C1QTNF3: variants seen among roughly 807,000 people sequenced by gnomAD.
C1QTNF3 encodes the protein C1q and TNF related 3.
Under a neutral mutation model 32.6 loss-of-function variants are expected in C1QTNF3, and 26 were observed. The observed-to-expected ratio is 0.80, with a 90% CI of 0.58 to 1.11. The LOEUF is 1.11. Ranked by LOEUF, C1QTNF3 falls within the 50% of genes least tolerant of loss-of-function variation. C1QTNF3 has a pLI of 0.00. For missense variants in C1QTNF3, 362 were observed against 398.2 expected, an observed-to-expected ratio of 0.91 and a Z score of 0.77; for synonymous variants, 155 against 146.0, an observed-to-expected ratio of 1.06 and a Z score of -0.44.
chr5:34,197,561 C>T, the C1QTNF3 span, among the ~76,000 whole-genome samples: 1 of 152,006 alleles, frequency 6.6e-6, no homozygotes, highest in Non-Finnish European at 1.5e-5. Context: ...AACTTAATGG[C>T]TTAAAATAAC....
the C1QTNF3 span, among the ~76,000 whole-genome samples, chr5:34,118,151 C>T: frequency 6.6e-6 from 1 of 152,256 alleles, no homozygotes; most frequent in South Asian, 2.1e-4. Flanking sequence ...ATGGTTTTGG[C>T]TCACTGCAAC....
At chr5:34,147,914 A>T in the C1QTNF3 span, among the ~76,000 whole-genome samples, 1 of 152,168 alleles carries the variant, frequency 6.6e-6, no homozygotes, top group African/African-American at 2.4e-5. Flanking sequence ...GACGCAGAAG[A>T]CGGTGATTTC....
chr5:34,103,135 G>A, the C1QTNF3 span, among the ~76,000 whole-genome samples: 1 of 152,088 alleles, frequency 6.6e-6, no homozygotes, highest in South Asian at 2.1e-4. Flanking sequence ...TTAGTGGCAT[G>A]AAACTCTAAA....
At chr5:34,212,045 C>T in the C1QTNF3 span, among the ~76,000 whole-genome samples, 38 of 152,098 alleles carry the variant, frequency 2.5e-4, no homozygotes, top group African/African-American at 8.7e-4. Context: ...GGTACTGGTA[C>T]CAAAACAGAG....
At chr5:34,071,286 A>G in the C1QTNF3 span, among the ~76,000 whole-genome samples, 1 of 152,166 alleles carries the variant, frequency 6.6e-6, no homozygotes, top group Non-Finnish European at 1.5e-5. Context: ...TTTGAACTGC[A>G]ATTGATAATA....
chr5:34,232,895 C>A, the C1QTNF3 span, among the ~76,000 whole-genome samples: 1 of 150,714 alleles, frequency 6.6e-6, no homozygotes, highest in Non-Finnish European at 1.5e-5. Context: ...TAACTCCTTG[C>A]AACTTACAGT....
At chr5:34,145,424 C>A in the C1QTNF3 span, among the ~76,000 whole-genome samples, 108 of 152,030 alleles carry the variant, frequency 7.1e-4, no homozygotes, top group African/African-American at 2.5e-3. Context: ...GATAATACCT[C>A]AGAATTGAAC....
intron 3 of C1QTNF3, 58 bp from the exon 4 acceptor site, chr5:34,028,941 T>C (rs1754544880): frequency 6.7e-7 from 1 of 1,493,104 alleles, no homozygotes; most frequent in Non-Finnish European, 9.2e-7. Context: ...AGTCAAGTTT[T>C]TATGCAGATT....
At chr5:34,040,930 CTTTA>C (rs1372828436) in intron 1 of C1QTNF3, among the ~76,000 whole-genome samples, 2 of 152,106 alleles carry the variant, frequency 1.3e-5, no homozygotes, top group Admixed American at 6.5e-5. Context: ...CATGTACTGA[CTTTA>C]TTTAACACAT....
At chr5:34,037,805 CA>C in intron 1 of C1QTNF3, among the ~76,000 whole-genome samples, 1 of 152,266 alleles carries the variant, frequency 6.6e-6, no homozygotes, top group East Asian at 1.9e-4. Flanking sequence ...CTTGGAAAGT[CA>C]AAGACACCAC....
the C1QTNF3 span, among the ~76,000 whole-genome samples, chr5:34,141,453 C>T: frequency 1.6e-4 from 24 of 152,086 alleles, no homozygotes; most frequent in Non-Finnish European, 5.9e-5. Context: ...TGAGGAAGAA[C>T]CTGTTTCATG....
the C1QTNF3 span, among the ~76,000 whole-genome samples, chr5:34,147,652 T>C: frequency 1.3e-5 from 2 of 151,818 alleles, no homozygotes; most frequent in East Asian, 3.9e-4. Flanking sequence ...AAAGAGACAC[T>C]GTGGACTACT....
the C1QTNF3 span, among the ~76,000 whole-genome samples, chr5:34,236,643 G>A: frequency 3.1e-5 from 4 of 128,026 alleles, no homozygotes; most frequent in East Asian, 2.4e-4. Context: ...GTGGGATCTC[G>A]GTTCACTGCA....
chr5:34,196,809 G>A, the C1QTNF3 span, among the ~76,000 whole-genome samples: 1 of 151,736 alleles, frequency 6.6e-6, no homozygotes, highest in Non-Finnish European at 1.5e-5. Flanking sequence ...GCAGGCGCCC[G>A]CCACCACGCC....
chr5:34,041,339 T>C (rs1290561765), intron 1 of C1QTNF3, among the ~76,000 whole-genome samples: 1 of 152,128 alleles, frequency 6.6e-6, no homozygotes, highest in African/African-American at 2.4e-5. Flanking sequence ...GAAGGAGAAA[T>C]GTGATTTGAA....
At chr5:34,080,517 C>T in the C1QTNF3 span, among the ~76,000 whole-genome samples, 2 of 151,664 alleles carry the variant, frequency 1.3e-5, no homozygotes, top group East Asian at 3.8e-4. Context: ...TTGCTAGATG[C>T]ATGTGCTACA....
At chr5:34,132,288 G>C in the C1QTNF3 span, among the ~76,000 whole-genome samples, 1 of 151,974 alleles carries the variant, frequency 6.6e-6, no homozygotes, top group Non-Finnish European at 1.5e-5. Flanking sequence ...GAGAGGCTGA[G>C]GCAGGAGAAT....
the C1QTNF3 span, among the ~76,000 whole-genome samples, chr5:34,178,182 G>A: frequency 6.6e-6 from 1 of 150,808 alleles, no homozygotes; most frequent in Admixed American, 6.6e-5. Flanking sequence ...TTGGGAGGCT[G>A]ATGCAGGAGA....
At position 34,043,105 on chromosome 5, in the gene C1QTNF3, GA is replaced by G. The variant is rs755006748; in HGVS notation, c.20del (p.Ile7ThrfsTer23). On this transcript the variant is annotated frameshift_variant, in exon 1 of 6. Coordinates refer to ENST00000382065, the MANE Select transcript of C1QTNF3 (RefSeq NM_181435.6). LOFTEE classifies it high-confidence loss of function. MLWRQLIYWQLLALFFL... is the reference protein window; with the variant it reads MLWRQLXYWQLLALFFL... Reference sequence around the variant, plus strand: ...AAAACAAAGCCAGCAGTTGCCAATAGATGAGCTGCCTCCAAAGCATGATTCT... The same window carrying G: ...AAAACAAAGCCAGCAGTTGCCAATAGTGAGCTGCCTCCAAAGCATGATTCT... 6.2e-7 allele frequency: 1 copy of G among 1,612,964 alleles called. No individual in the cohort carries two copies. Among genetic ancestry groups the G allele is most frequent in the East Asian group, 2.2e-5 (1 of 44,880 alleles).
Sources: gnomAD v4.1 joint callset for allele counts (sites outside exome capture counted in the v4.1 genomes callset) on GRCh38, gnomAD v4.1.1 for gene constraint, MANE v1.5 for transcripts, NCBI Gene and HGNC (gene_info 2026-07-23, HGNC 2026-07-21) for gene names.